Variants in DNAJB11 observed in about 807,000 individuals in gnomAD.
The protein encoded by DNAJB11 is dnaJ homolog subfamily B member 11.
In DNAJB11, 30 loss-of-function variants were observed where a neutral mutation model predicts 47.2. That is an observed-to-expected ratio of 0.64 (90% CI 0.48 to 0.86). DNAJB11 has a LOEUF of 0.86. Among genes scored for constraint, DNAJB11 ranks in the 40% least tolerant of loss-of-function variants. DNAJB11 has a pLI of 0.00. For synonymous variants in DNAJB11, 151 were observed against 159.9 expected, an observed-to-expected ratio of 0.94 and a Z score of 0.42; for missense variants, 357 against 440.2, an observed-to-expected ratio of 0.81 and a Z score of 1.69.
At chr3:186,583,735 A>G (rs975357930) in intron 7 of DNAJB11, 130 bp from the exon 8 acceptor site, 2 of 675,036 alleles carry the variant, frequency 3.0e-6, no homozygotes, top group African/African-American at 3.6e-5. Context: ...GATTAATACT[A>G]CACACAAAAG....
chr3:186,576,819 G>A (rs1035706208), intron 3 of DNAJB11, among the ~76,000 whole-genome samples: 2 of 152,164 alleles, frequency 1.3e-5, no homozygotes, highest in African/African-American at 2.4e-5. Context: ...ATACCAGAAA[G>A]AGAAACAGCT....
chr3:186,576,006 T>A lies in DNAJB11; in HGVS notation c.323+69T>A. ...GGTCACTTAGCGATTAAAGAATTAT[T>A]CTCATTCCCTAGTTCAGAAACTTTT... is the stretch of plus-strand genomic sequence containing the variant. On this transcript the variant is annotated intron_variant, in intron 3 of 9. Coordinates refer to ENST00000265028, the MANE Select transcript of DNAJB11 (RefSeq NM_016306.6). The A allele has an allele frequency of 2.6e-6, 3 of 1,156,608 alleles. 1 individual carries two copies. The highest frequency in any genetic ancestry group is 2.5e-5 in the South Asian group (2 of 78,502). 71.6% of individuals were successfully genotyped at this position (1,156,608 alleles called of 1,614,324 possible).
chr3:186,572,073 A>C (rs894334420), intron 1 of DNAJB11, 22 bp from the exon 2 acceptor site: 1 of 1,547,644 alleles, frequency 6.5e-7, no homozygotes, highest in Non-Finnish European at 8.7e-7. Flanking sequence ...TTAATGAAGT[A>C]TTCTCTCCCT....
intron 4 of DNAJB11, chr3:186,580,463 T>C (rs553431369): frequency 1.1e-4 from 17 of 152,368 alleles, no homozygotes; most frequent in African/African-American, 3.8e-4. Flanking sequence ...ACTTAACCTT[T>C]CTATACTTCT....
chr3:186,576,614 G>C (rs770071933), intron 3 of DNAJB11, among the ~76,000 whole-genome samples: 2 of 152,008 alleles, frequency 1.3e-5, no homozygotes, highest in African/African-American at 2.4e-5. Flanking sequence ...ATTCTCAAAG[G>C]GTTCTGTGAA....
At chr3:186,570,990 A>G in intron 1 of DNAJB11, 25 bp downstream of exon 1, 1 of 1,001,538 alleles carries the variant, frequency 1.0e-6, no homozygotes, top group Non-Finnish European at 1.4e-6. Flanking sequence ...CTCGCAGACA[A>G]CGGGGCCTGT....
intron 9 of DNAJB11, 26 bp downstream of exon 9, chr3:186,584,615 G>GTGTGTGTGTT: frequency 6.6e-7 from 1 of 1,513,056 alleles, no homozygotes; most frequent in South Asian, 1.3e-5. Context: ...GTGTGTGTGT[G>GTGTGTGTGTT]TGTGTGTTTG....
chr3:186,582,150 C>A, intron 6 of DNAJB11, 73 bp downstream of exon 6: 1 of 1,093,994 alleles, frequency 9.1e-7, no homozygotes, highest in Non-Finnish European at 1.4e-6. Context: ...TACCTTTCAC[C>A]CCTGCCTTAC....
rs572531661 is a variant in DNAJB11, at chr3:186,573,713, C to T, written c.225+1462C>T. Among the ~76,000 whole-genome samples, 6 of 152,272 alleles carry T rather than the reference C, an allele frequency of 3.9e-5. No individual in the cohort carries two copies. In the South Asian group the frequency reaches 1.2e-3, roughly 32 times the overall value. ...GGACAGAAATTCTTAACCTGAGGCA[C>T]ATCAATAAACTTGGGAAGGTTAATG... On this transcript the variant is annotated intron_variant, in intron 2 of 9. Transcript: ENST00000265028.
intron 8 of DNAJB11, 28 bp from the exon 9 acceptor site, chr3:186,584,402 C>A: frequency 6.6e-7 from 1 of 1,520,822 alleles, no homozygotes; most frequent in East Asian, 2.3e-5. Flanking sequence ...ACCGCTCCTG[C>A]TGCAGTACAT....
intron 4 of DNAJB11, chr3:186,580,074 C>G (rs1301074704): frequency 7.9e-5 from 12 of 152,200 alleles, no homozygotes; most frequent in East Asian, 1.9e-4. Context: ...TATTCATAAA[C>G]CAGTGAGGTT....
chr3:186,582,896 A>G, intron 7 of DNAJB11, 123 bp downstream of exon 7: 5 of 735,316 alleles, frequency 6.8e-6, no homozygotes, highest in Non-Finnish European at 1.2e-5. Flanking sequence ...GATGATTTGT[A>G]ACTCCTCTAC....
chr3:186,575,519 C>T (rs141624045), intron 2 of DNAJB11, among the ~76,000 whole-genome samples: 25 of 152,174 alleles, frequency 1.6e-4, no homozygotes, highest in African/African-American at 4.3e-4. Flanking sequence ...CTGAGGAATC[C>T]GTCTTAACTC....
intron 9 of DNAJB11, 150 bp from the exon 10 acceptor site, chr3:186,585,194 A>G (rs1451870487): frequency 3.5e-6 from 2 of 569,258 alleles, no homozygotes; most frequent in South Asian, 2.1e-5. Flanking sequence ...GGTTACCTAC[A>G]TGCAATTACG....
At chr3:186,579,871 TTTC>T (rs1715422628) in intron 4 of DNAJB11, 2 of 152,340 alleles carry the variant, frequency 1.3e-5, no homozygotes, top group African/African-American at 4.8e-5. Flanking sequence ...GAATCCATGT[TTTC>T]TTGTAGTTTT....
chr3:186,582,847 A>G (rs566663741), intron 7 of DNAJB11, 74 bp downstream of exon 7: 1 of 1,093,748 alleles, frequency 9.1e-7, no homozygotes, highest in Admixed American at 2.0e-5. Flanking sequence ...CAGAGCAGTT[A>G]GACTTTTTTC....
chr3:186,582,590 A>G (rs1375460030), intron 6 of DNAJB11, 126 bp from the exon 7 acceptor site: 1 of 731,648 alleles, frequency 1.4e-6, no homozygotes, highest in Non-Finnish European at 2.4e-6. Flanking sequence ...AGGCAGAGAC[A>G]CTGCCGTCAC....
rs1267740315 is a variant in DNAJB11, at chr3:186,585,336, T to G, written c.1013-8T>G. 1 of 1,610,038 alleles carries G rather than the reference T, an allele frequency of 6.2e-7. No homozygotes were observed. Among genetic ancestry groups the G allele is most frequent in the Non-Finnish European group, 8.5e-7 (1 of 1,177,924 alleles). On this transcript the variant is annotated splice_region_variant and splice_polypyrimidine_tract_variant and intron_variant, in intron 9 of 9. Coordinates refer to ENST00000265028, the MANE Select transcript of DNAJB11 (RefSeq NM_016306.6). ...GTTAATGGAGTCATTTGTTCATTCT[T>G]TCTTCAGGTATCAAACAGCTACTGA...
intron 2 of DNAJB11, among the ~76,000 whole-genome samples, chr3:186,572,544 G>A (rs914041614): frequency 1.3e-5 from 2 of 152,200 alleles, no homozygotes; most frequent in African/African-American, 4.8e-5. Context: ...GTTTCACCCT[G>A]TTGGCCAGGC....
Sources: allele counts gnomAD v4.1 joint callset (sites outside exome capture counted in the v4.1 genomes callset), GRCh38; gene constraint gnomAD v4.1.1; transcripts MANE v1.5; gene names NCBI Gene and HGNC (gene_info 2026-07-23, HGNC 2026-07-21).